Variants in HOOK3 observed in about 807,000 individuals in gnomAD.
HOOK3 encodes protein Hook homolog 3.
HOOK3 carries 24 observed loss-of-function variants against 116.3 expected under a neutral mutation model. The ratio of observed to expected loss-of-function variants is 0.21; its 90% CI spans 0.15 to 0.29. HOOK3 has a LOEUF of 0.29. Ranked by LOEUF, HOOK3 falls within the 10% of genes least tolerant of loss-of-function variation. HOOK3 has a pLI of 1.00. For synonymous variants in HOOK3, 275 were observed against 283.0 expected, an observed-to-expected ratio of 0.97 and a Z score of 0.28; for missense variants, 632 against 830.2, an observed-to-expected ratio of 0.76 and a Z score of 2.93.
chr8:42,911,196 A>G (rs569077864), intron 2 of HOOK3, among the ~76,000 whole-genome samples: 1 of 152,322 alleles, frequency 6.6e-6, no homozygotes, highest in African/African-American at 2.4e-5. Context: ...TCACGCCTGT[A>G]ATCCCAGCAC....
intron 1 of HOOK3, among the ~76,000 whole-genome samples, chr8:42,904,221 A>T (rs1188981244): frequency 6.7e-6 from 1 of 148,558 alleles, no homozygotes. Flanking sequence ...GTTTAGCTTC[A>T]TCCGTGTTAG....
Position 43,026,196 on chromosome 8 carries a change from G to T in HOOK3, c.*7698G>T, listed in dbSNP as rs964410973. ...GACTCATGTTTATTCTGGTGTATTT[G>T]TCAACCCATGGGTAGTGATTACTCC... On this transcript the variant is annotated 3_prime_UTR_variant, in exon 22 of 22. Coordinates refer to ENST00000307602, the MANE Select transcript of HOOK3 (RefSeq NM_032410.4). The T allele has an allele frequency of 4.9e-6, 1 of 203,060 alleles. No individual in the cohort carries two copies. Among genetic ancestry groups the T allele is most frequent in the African/African-American group, 2.3e-5 (1 of 43,706 alleles). The allele number at this position is 203,060 out of a possible 1,614,324, so 12.6% of individuals were successfully genotyped here.
At position 43,022,555 on chromosome 8, in the gene HOOK3, A is replaced by G. The variant is rs1290679532; in HGVS notation, c.*4057A>G. 1 of 188,600 alleles carries G rather than the reference A, an allele frequency of 5.3e-6. No individual in the cohort carries two copies. Among genetic ancestry groups the G allele is most frequent in the South Asian group, 2.0e-4 (1 of 5,108 alleles). 11.7% of individuals were successfully genotyped at this position (188,600 alleles called of 1,614,324 possible). A position where few individuals can be genotyped will look rare whatever the true frequency, so the allele number is the denominator to read the frequency against. On this transcript the variant is annotated 3_prime_UTR_variant, in exon 22 of 22. Transcript: ENST00000307602. ...TAAAGAATATTAAAACCTAGCATTT[A>G]TGTTCCACAGTGTGTATTTCAGAAG...
chr8:42,948,015 A>G (rs898837595), intron 5 of HOOK3, among the ~76,000 whole-genome samples: 5 of 152,202 alleles, frequency 3.3e-5, no homozygotes, highest in East Asian at 1.9e-4. Context: ...AATTGGGGCA[A>G]ATAAAATGGT....
At chr8:42,923,077 G>T (rs1056695340) in intron 2 of HOOK3, among the ~76,000 whole-genome samples, 1 of 152,076 alleles carries the variant, frequency 6.6e-6, no homozygotes, top group Non-Finnish European at 1.5e-5. Context: ...TCCCAGAGAG[G>T]ATATACAATG....
chr8:43,022,642 T>C lies in HOOK3; in HGVS notation c.*4144T>C, dbSNP rs1348267544. ...GAAAAGAGAATCAAGTATACAATTG[T>C]ACATATTTTTAAAGAACTTTGAAAA... On this transcript the variant is annotated 3_prime_UTR_variant, in exon 22 of 22. Transcript: ENST00000307602. 1 of 183,382 alleles carries C rather than the reference T, an allele frequency of 5.5e-6. No individual in the cohort carries two copies. Among genetic ancestry groups the C allele is most frequent in the African/African-American group, 2.4e-5 (1 of 42,542 alleles). 11.4% of individuals were successfully genotyped at this position (183,382 alleles called of 1,614,324 possible).
At chr8:42,981,529 G>T (rs1229464370) in intron 13 of HOOK3, among the ~76,000 whole-genome samples, 3 of 152,180 alleles carry the variant, frequency 2.0e-5, no homozygotes, top group African/African-American at 7.2e-5. Context: ...TTGAAACAGT[G>T]TGAAAGTTCA....
chr8:42,961,374 T>A (rs1256441548), intron 8 of HOOK3, among the ~76,000 whole-genome samples: 3 of 152,268 alleles, frequency 2.0e-5, no homozygotes, highest in Non-Finnish European at 4.4e-5. Flanking sequence ...CTTCCCTTTT[T>A]TCATCACTGT....
At chr8:42,963,629 TCAC>T (rs1277003797) in intron 8 of HOOK3, among the ~76,000 whole-genome samples, 1 of 152,248 alleles carries the variant, frequency 6.6e-6, no homozygotes, top group African/African-American at 2.4e-5. Flanking sequence ...TTTTATATTC[TCAC>T]CACAAGTTTC....
At chr8:43,010,282 A>AATT in intron 18 of HOOK3, 23 bp from the exon 19 acceptor site, 1 of 677,358 alleles carries the variant, frequency 1.5e-6, no homozygotes. Context: ...AAATATATAT[A>AATT]TTTTACTGTG....
At chr8:42,947,263 A>C (rs1808247379) in intron 5 of HOOK3, among the ~76,000 whole-genome samples, 1 of 152,236 alleles carries the variant, frequency 6.6e-6, no homozygotes, top group Non-Finnish European at 1.5e-5. Flanking sequence ...TAAGGTGGAA[A>C]ATAGAAATTA....
chr8:43,006,856 CTT>C (rs1408245782), intron 17 of HOOK3, among the ~76,000 whole-genome samples: 2 of 151,514 alleles, frequency 1.3e-5, no homozygotes, highest in Non-Finnish European at 2.9e-5. Flanking sequence ...TTTTTGCAGC[CTT>C]TTTTCCTAGT....
intron 15 of HOOK3, among the ~76,000 whole-genome samples, chr8:42,993,631 G>T (rs1809210315): frequency 6.6e-6 from 1 of 152,118 alleles, no homozygotes; most frequent in Non-Finnish European, 1.5e-5. Flanking sequence ...GAAGTCATCG[G>T]ATCTGGGGCC....
intron 21 of HOOK3, among the ~76,000 whole-genome samples, chr8:43,014,908 T>C (rs1396970501): frequency 1.3e-5 from 2 of 151,350 alleles, no homozygotes; most frequent in Non-Finnish European, 2.9e-5. Flanking sequence ...ACTTTGGGAG[T>C]CTGAGGCAGG....
intron 8 of HOOK3, among the ~76,000 whole-genome samples, chr8:42,960,769 G>A (rs1373949498): frequency 2.6e-5 from 4 of 152,130 alleles, no homozygotes; most frequent in Non-Finnish European, 5.9e-5. Flanking sequence ...GTCTAAAGTA[G>A]GTCTCTTCAG....
At chr8:42,978,187 T>G (rs904644098) in intron 13 of HOOK3, among the ~76,000 whole-genome samples, 15 of 152,162 alleles carry the variant, frequency 9.9e-5, no homozygotes, top group African/African-American at 3.6e-4. Context: ...AAAAGTTGTG[T>G]TTTTTCCTAT....
chr8:43,022,027 A>G lies in HOOK3; in HGVS notation c.*3529A>G, dbSNP rs763609070. 1.1e-4 allele frequency: 21 copies of G among 185,450 alleles called. No individual in the cohort carries two copies. Among genetic ancestry groups the G allele is most frequent in the Non-Finnish European group, 2.3e-4 (20 of 87,874 alleles). The allele number at this position is 185,450 out of a possible 1,614,324, so 11.5% of individuals were successfully genotyped here. A position where few individuals can be genotyped will look rare whatever the true frequency, so the allele number is the denominator to read the frequency against. The stretch of plus-strand genomic sequence containing the variant: ...AAATTCAGTGTATTAGTTTCATTAC[A>G]TAGGAGAAATTATATTTCTAAACAT... On this transcript the variant is annotated 3_prime_UTR_variant, in exon 22 of 22. Coordinates refer to ENST00000307602, the MANE Select transcript of HOOK3 (RefSeq NM_032410.4).
chr8:42,930,277 T>C, intron 4 of HOOK3, 105 bp downstream of exon 4: 1 of 1,020,114 alleles, frequency 9.8e-7, no homozygotes, highest in Non-Finnish European at 1.3e-6. Context: ...TAATAATCAG[T>C]TTGTCGTTCA....
At chr8:42,981,165 CCTCAGCCTCCCAA>C (rs1362528760) in intron 13 of HOOK3, among the ~76,000 whole-genome samples, 1 of 151,796 alleles carries the variant, frequency 6.6e-6, no homozygotes, top group African/African-American at 2.4e-5. Flanking sequence ...GATCCTCCCA[CCTCAGCCTCCCAA>C]GTAGCTGGGA....
Sources: gnomAD v4.1 joint callset for allele counts (sites outside exome capture counted in the v4.1 genomes callset) on GRCh38, gnomAD v4.1.1 for gene constraint, MANE v1.5 for transcripts, NCBI Gene and HGNC (gene_info 2026-07-23, HGNC 2026-07-21) for gene names.